The following CCDC90B variants were observed in gnomAD, a reference collection of about 807,000 sequenced individuals.
The protein encoded by CCDC90B is coiled-coil domain-containing protein 90B, mitochondrial.
Under a neutral mutation model 37.0 loss-of-function variants are expected in CCDC90B, and 24 were observed. The ratio of observed to expected loss-of-function variants is 0.65; its 90% CI spans 0.47 to 0.91. CCDC90B has a LOEUF of 0.91. CCDC90B is among the 40% of genes least tolerant of loss of function. The pLI, the probability that CCDC90B is intolerant of heterozygous loss-of-function variation, is 0.00. For synonymous variants in CCDC90B, 113 were observed against 101.1 expected (o/e 1.12, Z -0.71); for missense variants, 319 against 299.0 (o/e 1.07, Z -0.49).
chr11:83,273,425 T>A (rs1864811737), intron 7 of CCDC90B: 2 of 356,226 alleles, frequency 5.6e-6, no homozygotes, highest in Non-Finnish European at 1.0e-5. Context: ...AAGCACACTA[T>A]GTGGAAATCT....
intron 3 of CCDC90B, among the ~76,000 whole-genome samples, chr11:83,276,188 C>G (rs61900306): frequency 6.6e-6 from 1 of 152,152 alleles, no homozygotes; most frequent in South Asian, 2.1e-4. Flanking sequence ...AGAAGTCACA[C>G]AGATGTGGCC....
In CCDC90B at chr11:83,277,183, A is replaced by G. The variant is rs139802790; in HGVS notation, c.324+1543T>C. Among the ~76,000 whole-genome samples, 227 of 152,332 alleles carry G rather than the reference A, an allele frequency of 1.5e-3. 4 individuals carry two copies. The highest frequency in any genetic ancestry group is 5.4e-3 in the African/African-American group (223 of 41,578). ...GGATTAAATGGTCCTGGCAGCACAA[A>G]TATTCCTCAAATCACAGCTTTATTT... On this transcript the variant is annotated intron_variant, in intron 3 of 8. Coordinates refer to ENST00000529689, the MANE Select transcript of CCDC90B (RefSeq NM_021825.5).
chr11:83,270,526 C>T (rs919127088), intron 7 of CCDC90B, among the ~76,000 whole-genome samples: 1 of 152,168 alleles, frequency 6.6e-6, no homozygotes, highest in Admixed American at 6.5e-5. Context: ...AGAGTCAAAT[C>T]ATGAGTGAAC....
intron 3 of CCDC90B, among the ~76,000 whole-genome samples, chr11:83,275,603 ACTT>A (rs1481466045): frequency 1.3e-5 from 2 of 152,164 alleles, no homozygotes; most frequent in Non-Finnish European, 2.9e-5. Flanking sequence ...GTAGCACTAA[ACTT>A]CTTAAAATCA....
intron 7 of CCDC90B, among the ~76,000 whole-genome samples, chr11:83,269,686 G>C (rs1182270726): frequency 6.6e-6 from 1 of 152,122 alleles, no homozygotes; most frequent in Non-Finnish European, 1.5e-5. Flanking sequence ...ACCAAAAAAA[G>C]TCCAGGACCA....
chr11:83,285,732 G>T, intron 1 of CCDC90B, 141 bp downstream of exon 1: 1 of 1,445,688 alleles, frequency 6.9e-7, no homozygotes, highest in Non-Finnish European at 9.1e-7. Flanking sequence ...GCAGCAGGCA[G>T]CGGCGTCGCC....
intron 3 of CCDC90B, 44 bp downstream of exon 3, chr11:83,278,682 T>C (rs1865190632): frequency 8.1e-7 from 1 of 1,234,014 alleles, no homozygotes; most frequent in Non-Finnish European, 1.2e-6. Context: ...TATGAAATGA[T>C]TGTCTAATGA....
chr11:83,263,262 C>G (rs1488409140), intron 8 of CCDC90B, among the ~76,000 whole-genome samples: 1 of 152,146 alleles, frequency 6.6e-6, no homozygotes, highest in Non-Finnish European at 1.5e-5. Flanking sequence ...CAAATGAACA[C>G]TTATTGTGAG....
intron 1 of CCDC90B, chr11:83,285,394 G>C: frequency 3.5e-6 from 4 of 1,159,122 alleles, no homozygotes; most frequent in Non-Finnish European, 4.3e-6. Flanking sequence ...CAATGTGACT[G>C]AAATGTACTG....
At chr11:83,270,537 T>A (rs1864591872) in intron 7 of CCDC90B, among the ~76,000 whole-genome samples, 1 of 152,202 alleles carries the variant, frequency 6.6e-6, no homozygotes, top group Admixed American at 6.5e-5. Flanking sequence ...ATGAGTGAAC[T>A]CCCATTCACA....
At chr11:83,282,547 C>T (rs771543811) in intron 1 of CCDC90B, among the ~76,000 whole-genome samples, 7 of 152,148 alleles carry the variant, frequency 4.6e-5, no homozygotes, top group South Asian at 2.1e-4. Flanking sequence ...GGGTGCAGCT[C>T]GTCTCATGTC....
chr11:83,270,540 C>T (rs556421475), intron 7 of CCDC90B, among the ~76,000 whole-genome samples: 1 of 152,290 alleles, frequency 6.6e-6, no homozygotes, highest in South Asian at 2.1e-4. Context: ...AGTGAACTCC[C>T]ATTCACAATT....
In CCDC90B at chr11:83,285,265, C is replaced by G. The variant is rs1022416346; in HGVS notation, c.100+608G>C. 4.7e-6 allele frequency: 6 copies of G among 1,277,438 alleles called. No homozygotes were observed. In the African/African-American group the frequency reaches 6.2e-5, roughly 13 times the overall value. 79.1% of individuals were successfully genotyped at this position (1,277,438 alleles called of 1,614,324 possible). On this transcript the variant is annotated intron_variant, in intron 1 of 8. Transcript: ENST00000529689. The stretch of plus-strand genomic sequence containing the variant: ...GAAAAACAACGACGACAACAAAAAC[C>G]TAGCCCTAGAAACATTTCTCTGAAT...
chr11:83,274,766 A>G (rs1591050159), intron 3 of CCDC90B, 26 bp from the exon 4 acceptor site: 2 of 1,373,696 alleles, frequency 1.5e-6, no homozygotes, highest in East Asian at 4.6e-5. Flanking sequence ...AAAATAACCT[A>G]GTGATCTATA....
At chr11:83,262,188 T>C (rs904740090) in intron 8 of CCDC90B, among the ~76,000 whole-genome samples, 2 of 152,162 alleles carry the variant, frequency 1.3e-5, no homozygotes, top group Admixed American at 1.3e-4. Flanking sequence ...AAAATGTAAA[T>C]TATGTCATTT....
chr11:83,285,997 G>T lies in CCDC90B; in HGVS notation c.-25C>A, dbSNP rs1427721151. On this transcript the variant is annotated 5_prime_UTR_variant, in exon 1 of 9. Transcript: ENST00000529689. ...TGTCCTCAGAGTTTTCCGGTGGGAG[G>T]GAGGCGGAAGACGGGGTAAATCTCG... is the stretch of plus-strand genomic sequence containing the variant. 12 of 1,594,718 alleles carry T rather than the reference G, an allele frequency of 7.5e-6. No individual in the cohort carries two copies. In the East Asian group the frequency reaches 2.5e-4, roughly 33 times the overall value.
At chr11:83,282,450 T>TA (rs1865443301) in intron 1 of CCDC90B, among the ~76,000 whole-genome samples, 1 of 152,170 alleles carries the variant, frequency 6.6e-6, no homozygotes, top group Non-Finnish European at 1.5e-5. Context: ...TCCTCTGACT[T>TA]AGTCAACAAA....
intron 3 of CCDC90B, among the ~76,000 whole-genome samples, chr11:83,276,805 T>G (rs191627345): frequency 3.3e-5 from 5 of 152,246 alleles, no homozygotes; most frequent in African/African-American, 1.2e-4. Context: ...GTGATTTTTT[T>G]AAACTACTAT....
rs1408661770 is a variant in CCDC90B, at chr11:83,286,280, T to A, written c.-308A>T. 4 of 1,276,824 alleles carry A rather than the reference T, an allele frequency of 3.1e-6. No individual in the cohort carries two copies. The African/African-American group carries it at 5.9e-5, about 19-fold the overall frequency. 79.1% of individuals were successfully genotyped at this position (1,276,824 alleles called of 1,614,324 possible). On this transcript the variant is annotated 5_prime_UTR_variant, in exon 1 of 9. Coordinates refer to ENST00000529689, the MANE Select transcript of CCDC90B (RefSeq NM_021825.5). The stretch of plus-strand genomic sequence containing the variant: ...AGAGAACCTTCCGGCGCCTGTTTCC[T>A]GGCAGTGGGGCATAGTCCAACAGCT...
Sources: allele counts gnomAD v4.1 joint callset (sites outside exome capture counted in the v4.1 genomes callset), GRCh38; gene constraint gnomAD v4.1.1; transcripts MANE v1.5; gene names NCBI Gene and HGNC (gene_info 2026-07-23, HGNC 2026-07-21).